PCDHA12: variants seen among roughly 807,000 people sequenced by gnomAD.
The protein encoded by PCDHA12 is protocadherin alpha 12, also known as protocadherin alpha-12.
Under a neutral mutation model 60.0 loss-of-function variants are expected in PCDHA12, and 44 were observed. The ratio of observed to expected loss-of-function variants is 0.73; its 90% CI spans 0.58 to 0.94. PCDHA12 has a LOEUF of 0.94. PCDHA12 is among the 40% of genes least tolerant of loss of function. PCDHA12 has a pLI of 0.00. For synonymous variants in PCDHA12, 569 were observed against 553.0 expected, an observed-to-expected ratio of 1.03 and a Z score of -0.40; for missense variants, 1,276 against 1,239.7, an observed-to-expected ratio of 1.03 and a Z score of -0.44.
At chr5:140,882,644 A>T in intron 1 of PCDHA12, 1 of 1,614,256 alleles carries the variant, frequency 6.2e-7, no homozygotes. Flanking sequence ...GGTGAGGGAC[A>T]TTAACGACAA....
At chr5:140,915,682 G>A (rs1239251164) in intron 1 of PCDHA12, among the ~76,000 whole-genome samples, 1 of 151,322 alleles carries the variant, frequency 6.6e-6, no homozygotes, top group Admixed American at 6.6e-5. Context: ...CTTGAACTAG[G>A]GGTATGGTGA....
At chr5:140,925,938 T>C (rs1357099773) in intron 1 of PCDHA12, among the ~76,000 whole-genome samples, 1 of 138,492 alleles carries the variant, frequency 7.2e-6, no homozygotes, top group Non-Finnish European at 1.5e-5. Context: ...GTAGAGCCTC[T>C]TGGAGAAGGA....
intron 3 of PCDHA12, among the ~76,000 whole-genome samples, chr5:140,984,059 C>A (rs1269975627): frequency 6.6e-6 from 1 of 152,108 alleles, no homozygotes; most frequent in East Asian, 1.9e-4. Flanking sequence ...CAAATCTGTA[C>A]CCTCAGTGCC....
intron 1 of PCDHA12, among the ~76,000 whole-genome samples, chr5:140,923,975 T>C (rs1475895954): frequency 2.0e-5 from 3 of 152,222 alleles, no homozygotes; most frequent in African/African-American, 7.2e-5. Flanking sequence ...CCACACATAC[T>C]ATCCCTCTAG....
At chr5:140,891,201 T>C (rs1301476369) in intron 1 of PCDHA12, among the ~76,000 whole-genome samples, 3 of 152,214 alleles carry the variant, frequency 2.0e-5, no homozygotes, top group Non-Finnish European at 4.4e-5. Context: ...TTTGCAGTTT[T>C]ACCATGCTGT....
intron 1 of PCDHA12, chr5:140,968,986 A>C (rs143656335): frequency 6.8e-6 from 11 of 1,614,206 alleles, no homozygotes; most frequent in East Asian, 6.7e-5. Context: ...ATGGCACTGC[A>C]TGCTGTGGAG....
intron 1 of PCDHA12, among the ~76,000 whole-genome samples, chr5:140,901,988 T>C (rs892830479): frequency 6.6e-6 from 1 of 152,164 alleles, no homozygotes; most frequent in Admixed American, 6.6e-5. Context: ...TTTAATTTCA[T>C]TTTCAGATTG....
chr5:140,923,974 C>G (rs2081604148), intron 1 of PCDHA12, among the ~76,000 whole-genome samples: 1 of 152,212 alleles, frequency 6.6e-6, no homozygotes, highest in South Asian at 2.1e-4. Context: ...CCCACACATA[C>G]TATCCCTCTA....
At chr5:140,982,691 C>G in intron 3 of PCDHA12, 128 bp downstream of exon 3, 1 of 1,408,152 alleles carries the variant, frequency 7.1e-7, no homozygotes, top group Non-Finnish European at 9.3e-7. Flanking sequence ...TTTTTCCATA[C>G]ATACATGATT....
chr5:140,902,191 C>G (rs1218204978), intron 1 of PCDHA12, among the ~76,000 whole-genome samples: 1 of 147,360 alleles, frequency 6.8e-6, no homozygotes, highest in Non-Finnish European at 1.5e-5. Context: ...TGTCTTCTCT[C>G]TCTCTCTCTT....
At chr5:140,949,634 G>A (rs1172841481) in intron 1 of PCDHA12, among the ~76,000 whole-genome samples, 3 of 151,562 alleles carry the variant, frequency 2.0e-5, no homozygotes, top group East Asian at 1.9e-4. Flanking sequence ...ATGGCATATT[G>A]CTTTTTGTTC....
chr5:140,968,323 C>G, intron 1 of PCDHA12: 1 of 1,614,114 alleles, frequency 6.2e-7, no homozygotes, highest in Non-Finnish European at 8.5e-7. Flanking sequence ...TGCCAGTCAC[C>G]TCCTATGTCT....
At chr5:141,002,020 T>A (rs1380012353) in intron 3 of PCDHA12, among the ~76,000 whole-genome samples, 4 of 152,166 alleles carry the variant, frequency 2.6e-5, no homozygotes, top group Admixed American at 6.5e-5. Flanking sequence ...TGCACAGCCT[T>A]CGGTGCCCTG....
intron 1 of PCDHA12, among the ~76,000 whole-genome samples, chr5:140,931,879 T>A (rs1335268218): frequency 3.3e-5 from 5 of 151,966 alleles, no homozygotes; most frequent in Non-Finnish European, 7.4e-5. Flanking sequence ...TATTTATTGC[T>A]TTCATTTTAT....
chr5:140,996,803 G>A (rs2097746425), intron 3 of PCDHA12, among the ~76,000 whole-genome samples: 1 of 152,224 alleles, frequency 6.6e-6, no homozygotes, highest in African/African-American at 2.4e-5. Flanking sequence ...ATCCAATCAT[G>A]CTTTCCAAAA....
Position 140,875,761 on chromosome 5 carries a change from G to C in PCDHA12, c.289G>C (p.Gly97Arg), listed in dbSNP as rs373515339. 4 of 1,614,118 alleles carry C rather than the reference G, an allele frequency of 2.5e-6. No individual in the cohort carries two copies. Among genetic ancestry groups the C allele is most frequent in the East Asian group, 4.5e-5 (2 of 44,892 alleles). Residue 97 changes from glycine to arginine, a missense_variant, in exon 1 of 4, where the codon GGG becomes CGG. By Grantham distance (125) the Gly-to-Arg change is moderately radical. Coordinates refer to ENST00000398631, the MANE Select transcript of PCDHA12 (RefSeq NM_018903.4). ...TCGGATCGACCGCGAGAAGCTGTGC[G>C]GGCGGAGCGCGGAGTGCAGTATCCA... ...NSRIDREKLC[G>R]RSAECSIHLE...
chr5:140,925,641 TATA>T (rs10569930), intron 1 of PCDHA12, among the ~76,000 whole-genome samples: 13,718 of 143,270 alleles, frequency 0.096, 957 homozygotes, highest in East Asian at 0.35. Context: ...GAACTTAAAG[TATA>T]ATAATAATAA....
chr5:140,877,684 A>C lies in PCDHA12; in HGVS notation c.2212A>C (p.Thr738Pro). 1 of 1,613,768 alleles carries C rather than the reference A, an allele frequency of 6.2e-7. No homozygotes were observed. The highest frequency in any genetic ancestry group is 2.2e-5 in the East Asian group (1 of 44,864). ...TVSRCAPGKPTLVCSSAVGSW... is the reference protein window; with the variant it reads ...TVSRCAPGKPPLVCSSAVGSW... ...GAGCCGGTGCGCGCCGGGCAAGCCC[A>C]CGCTGGTGTGCTCCAGCGCCGTGGG... The change falls in exon 1 of 4, where the codon ACG becomes CCG. Residue 738 changes from threonine (T) to proline (P), a missense_variant. By Grantham distance (38) the Thr-to-Pro change is conservative. Coordinates refer to ENST00000398631, the MANE Select transcript of PCDHA12 (RefSeq NM_018903.4).
intron 1 of PCDHA12, among the ~76,000 whole-genome samples, chr5:140,913,649 T>A (rs1284685382): frequency 1.3e-5 from 2 of 152,166 alleles, no homozygotes; most frequent in Non-Finnish European, 2.9e-5. Flanking sequence ...TTTCTAGTTC[T>A]TTAAGATGTA....
Sources: allele counts gnomAD v4.1 joint callset (sites outside exome capture counted in the v4.1 genomes callset), GRCh38; gene constraint gnomAD v4.1.1; transcripts MANE v1.5; gene names NCBI Gene and HGNC (gene_info 2026-07-23, HGNC 2026-07-21).